Variants in FOXP1 observed in about 807,000 individuals in gnomAD.
FOXP1 encodes the protein forkhead box protein P1.
A neutral mutation model predicts 98.2 loss-of-function variants in FOXP1; 15 were observed. The observed-to-expected ratio is 0.15, with a 90% CI of 0.10 to 0.24. The LOEUF (loss-of-function observed/expected upper bound fraction) is 0.24. Among genes scored for constraint, FOXP1 ranks in the 10% least tolerant of loss-of-function variants. FOXP1 has a pLI of 1.00. For missense variants in FOXP1, 633 were observed against 848.5 expected, an observed-to-expected ratio of 0.75 and a Z score of 3.15; for synonymous variants, 371 against 314.5, an observed-to-expected ratio of 1.18 and a Z score of -1.90.
chr3:71,151,971 A>T (rs1242211712), intron 6 of FOXP1, among the ~76,000 whole-genome samples: 1 of 152,210 alleles, frequency 6.6e-6, no homozygotes, highest in Non-Finnish European at 1.5e-5. Context: ...GGGATGGAAT[A>T]CATTCCTTTG....
intron 7 of FOXP1, 73 bp from the exon 8 acceptor site, chr3:71,053,846 ACTGC>A: frequency 6.4e-7 from 1 of 1,560,882 alleles, no homozygotes; most frequent in African/African-American, 1.4e-5. Flanking sequence ...TCAGCAGCTG[ACTGC>A]CATCAGCCTG....
rs142340367 is a variant in FOXP1 at position 71,393,728 on chromosome 3, A to G, written c.-167-34484T>C. Among the ~76,000 whole-genome samples the G allele has an allele frequency of 4.1e-3, 619 of 152,350 alleles. 3 individuals carry two copies. Among genetic ancestry groups the G allele is most frequent in the African/African-American group, 0.014 (596 of 41,584 alleles). ...CAGTAATCTGAGATAATCTTTTGAA[A>G]GGGTGTCTGTGAAATCAAAGCAGTT... On this transcript the variant is annotated intron_variant, in intron 3 of 20. Coordinates refer to ENST00000649528, the MANE Select transcript of FOXP1 (RefSeq NM_001349338.3).
chr3:71,195,062 G>C (rs2063219077), intron 6 of FOXP1, among the ~76,000 whole-genome samples: 1 of 152,176 alleles, frequency 6.6e-6, no homozygotes. Flanking sequence ...GTCTTCAATA[G>C]CAATTCATCT....
intron 5 of FOXP1, among the ~76,000 whole-genome samples, chr3:71,246,466 A>C (rs1386579638): frequency 6.6e-6 from 1 of 152,196 alleles, no homozygotes; most frequent in East Asian, 1.9e-4. Context: ...GCTCAGAAAG[A>C]GTTCCTCCCT....
At chr3:71,025,973 T>C (rs2046060062) in intron 11 of FOXP1, among the ~76,000 whole-genome samples, 1 of 152,220 alleles carries the variant, frequency 6.6e-6, no homozygotes, top group African/African-American at 2.4e-5. Context: ...AATTAGGGTA[T>C]ACTAGGAAGG....
In FOXP1 at chr3:71,171,184, G is replaced by C. The variant is rs555147263; in HGVS notation, c.180+27018C>G. The stretch of plus-strand genomic sequence containing the variant: ...TGGGATAAAAGTACATTTTATACAG[G>C]GTAAAAAGTTGGCATCGTGAGGGTT... On this transcript the variant is annotated intron_variant, in intron 6 of 20. Transcript: ENST00000649528. Among the ~76,000 whole-genome samples the C allele has an allele frequency of 1.8e-3, 267 of 151,548 alleles. 9 individuals are homozygous for C. In the South Asian group the frequency reaches 0.055, roughly 31 times the overall value.
At chr3:71,452,874 A>C (rs993771147) in intron 3 of FOXP1, among the ~76,000 whole-genome samples, 17 of 152,204 alleles carry the variant, frequency 1.1e-4, no homozygotes, top group Admixed American at 3.3e-4. Context: ...AGGAATTTGA[A>C]GACCACTCTT....
At chr3:71,035,751 A>G (rs770797454) in intron 11 of FOXP1, among the ~76,000 whole-genome samples, 7 of 152,124 alleles carry the variant, frequency 4.6e-5, no homozygotes, top group Non-Finnish European at 7.4e-5. Context: ...AATAAATACA[A>G]ATTGTCCTCT....
intron 3 of FOXP1, among the ~76,000 whole-genome samples, chr3:71,365,496 C>T (rs1389221758): frequency 1.3e-5 from 2 of 150,268 alleles, no homozygotes. Context: ...TCAATACAGT[C>T]AAGCCCCTGT....
chr3:71,453,009 G>C (rs979516075), intron 3 of FOXP1, among the ~76,000 whole-genome samples: 2 of 152,128 alleles, frequency 1.3e-5, no homozygotes, highest in Non-Finnish European at 2.9e-5. Flanking sequence ...AATAAAGCCT[G>C]TGCTGCCTAG....
chr3:71,448,176 C>T (rs929920030), intron 3 of FOXP1, among the ~76,000 whole-genome samples: 1 of 152,160 alleles, frequency 6.6e-6, no homozygotes, highest in Non-Finnish European at 1.5e-5. Context: ...CTGACAGACA[C>T]CTCCTAGTCT....
intron 3 of FOXP1, among the ~76,000 whole-genome samples, chr3:71,431,186 T>C (rs2084681930): frequency 6.6e-6 from 1 of 151,994 alleles, no homozygotes; most frequent in African/African-American, 2.4e-5. Flanking sequence ...AGGAATCCAC[T>C]CTTGAGGAGT....
At chr3:71,118,788 T>TA (rs1293346816) in intron 6 of FOXP1, among the ~76,000 whole-genome samples, 1 of 152,264 alleles carries the variant, frequency 6.6e-6, no homozygotes, top group Non-Finnish European at 1.5e-5. Flanking sequence ...GTGAAACTTA[T>TA]ATGGTATTCA....
At chr3:70,993,157 C>G (rs925586588) in intron 13 of FOXP1, among the ~76,000 whole-genome samples, 2 of 152,230 alleles carry the variant, frequency 1.3e-5, no homozygotes, top group African/African-American at 4.8e-5. Context: ...GGATTAATGT[C>G]TCCCTCTGCT....
At chr3:71,210,330 G>C (rs1490269910) in intron 5 of FOXP1, among the ~76,000 whole-genome samples, 1 of 152,044 alleles carries the variant, frequency 6.6e-6, no homozygotes, top group Admixed American at 6.5e-5. Flanking sequence ...TTTTTGTTTT[G>C]TTGCTCTGTG....
intron 3 of FOXP1, among the ~76,000 whole-genome samples, chr3:71,394,336 A>G (rs557486967): frequency 6.6e-6 from 1 of 152,238 alleles, no homozygotes; most frequent in Non-Finnish European, 1.5e-5. Context: ...CAAAAAATCT[A>G]GAAGAAAGAA....
chr3:71,536,061 G>A (rs1303397203), intron 2 of FOXP1, among the ~76,000 whole-genome samples: 1 of 152,132 alleles, frequency 6.6e-6, no homozygotes, highest in East Asian at 1.9e-4. Context: ...AGTCTGCAGG[G>A]AGGGAGAGCA....
At position 71,400,816 on chromosome 3, in the gene FOXP1, G is replaced by A. The variant is rs1456111114; in HGVS notation, c.-167-41572C>T. The stretch of plus-strand genomic sequence containing the variant: ...CAGATCAATGACCTACATTGTGTTA[G>A]ATGTAGAACCCCCCTGCAATTTTTT... On this transcript the variant is annotated intron_variant, in intron 3 of 20. Transcript: ENST00000649528. 2.6e-5 allele frequency among the ~76,000 whole-genome samples: 4 copies of A among 152,280 alleles called. No individual in the cohort carries two copies. In the East Asian group the frequency reaches 5.8e-4, roughly 22 times the overall value.
chr3:71,465,175 C>T (rs2088562224), intron 3 of FOXP1, among the ~76,000 whole-genome samples: 1 of 151,948 alleles, frequency 6.6e-6, no homozygotes, highest in South Asian at 2.1e-4. Context: ...GGCGTGGTGG[C>T]ACATGTCTGT....
Sources: gnomAD v4.1 joint callset for allele counts (sites outside exome capture counted in the v4.1 genomes callset) on GRCh38, gnomAD v4.1.1 for gene constraint, MANE v1.5 for transcripts, NCBI Gene and HGNC (gene_info 2026-07-23, HGNC 2026-07-21) for gene names.